The following ZPLD1 variants were observed in gnomAD, a reference collection of about 807,000 sequenced individuals.
The protein encoded by ZPLD1 is zona pellucida-like domain-containing protein 1.
Under a neutral mutation model 47.2 loss-of-function variants are expected in ZPLD1, and 34 were observed. That is an observed-to-expected ratio of 0.72 (90% confidence interval 0.55 to 0.96). The LOEUF is 0.96. Ranked by LOEUF, ZPLD1 falls within the 40% of genes least tolerant of loss-of-function variation. The pLI is 0.00. For synonymous variants in ZPLD1, 176 were observed against 186.2 expected, an observed-to-expected ratio of 0.95 and a Z score of 0.45; for missense variants, 512 against 505.8, an observed-to-expected ratio of 1.01 and a Z score of -0.12.
Position 102,457,796 on chromosome 3 carries a change from T to G in ZPLD1, c.525T>G (p.Ile175Met), listed in dbSNP as rs1707441453. Residue 175 changes from isoleucine to methionine, a missense_variant, in exon 6 of 12, where the codon ATT becomes ATG. Transcript: ENST00000466937. ...TGTGTTTTAGGTCCTCAGCGGCTAT[T>G]TCTGTGAGAGAGAACAATGGCACAT... The part of the protein sequence containing the change: ...NTQLASSSAA[I>M]SVRENNGTFV... The G allele has an allele frequency of 1.9e-6, 3 of 1,613,884 alleles. No individual in the cohort carries two copies. The South Asian group carries it at 3.3e-5, about 18-fold the overall frequency.
At chr3:102,473,878 A>C (rs1707720614) in intron 10 of ZPLD1, among the ~76,000 whole-genome samples, 1 of 152,106 alleles carries the variant, frequency 6.6e-6, no homozygotes, top group Non-Finnish European at 1.5e-5. Context: ...TTATCTCTTC[A>C]GGTCCTGTGG....
At position 102,435,060 on chromosome 3, in the gene ZPLD1, A is replaced by C. The variant is rs1707065657; in HGVS notation, c.-217A>C. On this transcript the variant is annotated 5_prime_UTR_variant, in exon 1 of 12. Coordinates refer to ENST00000466937, the MANE Select transcript of ZPLD1 (RefSeq NM_001329788.2). ...CCCCAATCCCATACAATTCAATTTC[A>C]GAAAAGTATTTAGGGACTGTGCTAA... 1 of 1,598,314 alleles carries C rather than the reference A, an allele frequency of 6.3e-7. No homozygotes were observed. Among genetic ancestry groups the C allele is most frequent in the Non-Finnish European group, 8.6e-7 (1 of 1,165,676 alleles).
At chr3:102,463,395 T>A (rs577757067) in intron 7 of ZPLD1, among the ~76,000 whole-genome samples, 93 of 152,358 alleles carry the variant, frequency 6.1e-4, no homozygotes, top group African/African-American at 2.2e-3. Context: ...AACAAAAAGC[T>A]ATTGTTTATA....
At chr3:102,427,093 G>A (rs147224867) in intron 8 of ZPLD1, among the ~76,000 whole-genome samples, 33 of 152,142 alleles carry the variant, frequency 2.2e-4, no homozygotes, top group Admixed American at 2.0e-3. Flanking sequence ...GAACGTTAAC[G>A]AGAACAGGGG....
chr3:102,477,632 C>T lies in ZPLD1; in HGVS notation c.*14C>T. 6.3e-7 allele frequency: 1 copy of T among 1,598,496 alleles called. No individual in the cohort carries two copies. The highest frequency in any genetic ancestry group is 1.4e-5 in the African/African-American group (1 of 74,020). On this transcript the variant is annotated 3_prime_UTR_variant, in exon 12 of 12. Coordinates refer to ENST00000466937, the MANE Select transcript of ZPLD1 (RefSeq NM_001329788.2). ...GTCTTTGACTGACTATAACAGATTCCTGCTCTCTGGAGAAGGCTTCACTGA... is the reference window on the plus strand; with the variant it reads ...GTCTTTGACTGACTATAACAGATTCTTGCTCTCTGGAGAAGGCTTCACTGA...
intron 4 of ZPLD1, among the ~76,000 whole-genome samples, chr3:102,455,901 C>A (rs1707405665): frequency 6.6e-6 from 1 of 152,120 alleles, no homozygotes; most frequent in South Asian, 2.1e-4. Context: ...AGAATTTTGG[C>A]TTCATCCATG....
At chr3:102,445,436 TTTG>T (rs1428363385) in intron 3 of ZPLD1, among the ~76,000 whole-genome samples, 1 of 152,180 alleles carries the variant, frequency 6.6e-6, no homozygotes, top group East Asian at 1.9e-4. Flanking sequence ...CAAATAGATA[TTTG>T]TTAAGAGGCT....
chr3:102,449,547 G>A (rs1707305964), intron 3 of ZPLD1, among the ~76,000 whole-genome samples: 1 of 152,126 alleles, frequency 6.6e-6, no homozygotes, highest in African/African-American at 2.4e-5. Context: ...ATCCTGCCCA[G>A]GATGTGAGTC....
At chr3:102,388,461 G>C (rs5027511) in intron 6 of ZPLD1, among the ~76,000 whole-genome samples, 20,539 of 125,042 alleles carry the variant, frequency 0.16, 1,430 homozygotes, top group Middle Eastern at 0.23. Context: ...CTGTCTGTGT[G>C]TGTGTGTGTG....
Position 102,464,227 on chromosome 3 carries a change from A to G in ZPLD1, c.737A>G (p.Asp246Gly), listed in dbSNP as rs191429921. 39 of 1,612,680 alleles carry G rather than the reference A, an allele frequency of 2.4e-5. No homozygotes were observed. Among genetic ancestry groups the G allele is most frequent in the Non-Finnish European group, 3.2e-5 (38 of 1,178,882 alleles). Reference protein sequence around the residue: ...YTTPSGNPNDDIRYDLFLSCD... With the variant: ...YTTPSGNPNDGIRYDLFLSCD... ...ACCCCATCAGGAAACCCAAATGATG[A>G]CATTCGATATGATCTTTTCCTTAGG... The change falls in exon 8 of 12, where the codon GAC becomes GGC. Residue 246 changes from aspartate to glycine, a missense_variant. Coordinates refer to ENST00000466937, the MANE Select transcript of ZPLD1 (RefSeq NM_001329788.2).
chr3:102,446,295 C>T (rs563450596), intron 3 of ZPLD1, among the ~76,000 whole-genome samples: 1 of 152,324 alleles, frequency 6.6e-6, no homozygotes, highest in East Asian at 1.9e-4. Flanking sequence ...GGGATGATTA[C>T]ACTCCATTGG....
chr3:102,447,582 C>T (rs1172967719), intron 3 of ZPLD1, among the ~76,000 whole-genome samples: 1 of 152,058 alleles, frequency 6.6e-6, no homozygotes, highest in East Asian at 1.9e-4. Context: ...ACTCATTATT[C>T]TATAAAATAA....
chr3:102,446,451 A>G (rs114589406), intron 3 of ZPLD1, among the ~76,000 whole-genome samples: 118 of 152,208 alleles, frequency 7.8e-4, no homozygotes, highest in Non-Finnish European at 1.2e-3. Flanking sequence ...TGATTCTCAA[A>G]TTTGTATTTC....
At chr3:102,409,587 T>G (rs1706728004) in intron 7 of ZPLD1, among the ~76,000 whole-genome samples, 1 of 151,862 alleles carries the variant, frequency 6.6e-6, no homozygotes, top group South Asian at 2.1e-4. Flanking sequence ...ATATGGAGTA[T>G]TTGTTTCCAA....
chr3:102,400,157 T>C (rs1035733753), intron 7 of ZPLD1, among the ~76,000 whole-genome samples: 2 of 151,984 alleles, frequency 1.3e-5, no homozygotes, highest in Middle Eastern at 3.4e-3. Flanking sequence ...GTAAAGAAAG[T>C]TTTTAGTCCT....
At chr3:102,424,994 G>GT (rs1292302347) in intron 8 of ZPLD1, among the ~76,000 whole-genome samples, 18 of 147,666 alleles carry the variant, frequency 1.2e-4, no homozygotes, top group African/African-American at 3.9e-4. Context: ...AAATAGCTGG[G>GT]GTTTTTTTTT....
At chr3:102,387,363 G>T (rs1476943697) in intron 6 of ZPLD1, among the ~76,000 whole-genome samples, 1 of 152,180 alleles carries the variant, frequency 6.6e-6, no homozygotes. Context: ...TGACTATAGA[G>T]AATTACACAT....
upstream of ZPLD1, among the ~76,000 whole-genome samples, chr3:102,432,556 T>C (rs1306328719): frequency 6.6e-6 from 1 of 152,212 alleles, no homozygotes; most frequent in Non-Finnish European, 1.5e-5. Flanking sequence ...GATAAATTGT[T>C]GAGGTCATTT....
chr3:102,388,429 G>GTCTCTCTCTCTC (rs71781267), intron 6 of ZPLD1, among the ~76,000 whole-genome samples: 8,981 of 135,250 alleles, frequency 0.066, 418 homozygotes, highest in Non-Finnish European at 0.093. Context: ...CTCTCCTGGA[G>GTCTCTCTCTCTC]TCTCTCTCTC....
Sources: gnomAD v4.1 joint callset for allele counts (sites outside exome capture counted in the v4.1 genomes callset) on GRCh38, gnomAD v4.1.1 for gene constraint, MANE v1.5 for transcripts, NCBI Gene and HGNC (gene_info 2026-07-23, HGNC 2026-07-21) for gene names.